ANK2: variants seen among roughly 807,000 people sequenced by gnomAD.
ANK2 encodes ankyrin 2.
In ANK2, 83 loss-of-function variants were observed where a neutral mutation model predicts 360.5. The observed-to-expected ratio is 0.23, with a 90% CI of 0.19 to 0.28. The LOEUF (loss-of-function observed/expected upper bound fraction) is 0.28, where lower values mean the gene tolerates loss of function less well. Among genes scored for constraint, ANK2 ranks in the 10% least tolerant of loss-of-function variants. The pLI, the probability that ANK2 is intolerant of heterozygous loss-of-function variation, is 1.00. For missense variants in ANK2, 4,201 were observed against 4,795.7 expected (o/e 0.88, Z 3.66); for synonymous variants, 1,740 against 1,759.5 (o/e 0.99, Z 0.28).
intron 1 of ANK2, among the ~76,000 whole-genome samples, chr4:113,092,058 T>C (rs779585704): frequency 1.3e-5 from 2 of 152,106 alleles, no homozygotes; most frequent in South Asian, 2.1e-4. Context: ...GGATTTTCCT[T>C]ATAAAACAAA....
chr4:113,071,712 A>C (rs554322968), intron 1 of ANK2: 1 of 152,544 alleles, frequency 6.6e-6, no homozygotes, highest in Non-Finnish European at 1.5e-5. Flanking sequence ...TCTGCACCAT[A>C]GGGCCAGAGA....
intron 2 of ANK2, among the ~76,000 whole-genome samples, chr4:112,918,202 G>A (rs2090461973): frequency 6.6e-6 from 1 of 152,110 alleles, no homozygotes; most frequent in Non-Finnish European, 1.5e-5. Context: ...TCCTGGAAAA[G>A]TCTTGAGAAG....
At chr4:113,317,581 C>T (rs1353761721) in intron 24 of ANK2, 126 bp from the exon 25 acceptor site, 3 of 731,024 alleles carry the variant, frequency 4.1e-6, no homozygotes, top group South Asian at 1.5e-5. Context: ...AGACTTGTGT[C>T]CCCCTGGAAG....
chr4:113,177,416 C>G (rs984903686), intron 2 of ANK2, among the ~76,000 whole-genome samples: 1 of 152,126 alleles, frequency 6.6e-6, no homozygotes, highest in Non-Finnish European at 1.5e-5. Context: ...AATGCACTCC[C>G]TAAATGTCAA....
chr4:113,019,429 C>T (rs368794433), intron 2 of ANK2, among the ~76,000 whole-genome samples: 1 of 152,176 alleles, frequency 6.6e-6, no homozygotes, highest in East Asian at 1.9e-4. Context: ...ATCATATGGA[C>T]AGAAATAAAT....
intron 2 of ANK2, among the ~76,000 whole-genome samples, chr4:112,969,338 C>T (rs2038580980): frequency 6.6e-6 from 1 of 152,234 alleles, no homozygotes. Context: ...CATTTGCTGA[C>T]TACCTATCTA....
chr4:113,116,699 GGCAGCAGCA>G (rs370654108), intron 1 of ANK2, among the ~76,000 whole-genome samples: 3 of 151,632 alleles, frequency 2.0e-5, no homozygotes, highest in African/African-American at 4.8e-5. Context: ...GCAGTAGCAC[GGCAGCAGCA>G]GCAGCAGCAG....
At chr4:112,810,936 T>A in the ANK2 span, among the ~76,000 whole-genome samples, 1 of 150,240 alleles carries the variant, frequency 6.7e-6, no homozygotes, top group African/African-American at 2.4e-5. Context: ...CTTTCTTTTT[T>A]TTTTTTTTTT....
chr4:113,315,408 G>T (rs1472734843), intron 24 of ANK2, among the ~76,000 whole-genome samples: 1 of 152,058 alleles, frequency 6.6e-6, no homozygotes, highest in Non-Finnish European at 1.5e-5. Flanking sequence ...TTTATTTGAG[G>T]TACCATTATT....
chr4:113,341,604 C>G, intron 32 of ANK2, 84 bp from the exon 33 acceptor site: 1 of 1,420,928 alleles, frequency 7.0e-7, no homozygotes, highest in Non-Finnish European at 9.9e-7. Flanking sequence ...TTGTTGACTA[C>G]TTTGATCATA....
In ANK2 at chr4:113,270,927, T is replaced by C. The variant is rs1012721681; in HGVS notation, c.1486-3525T>C. On this transcript the variant is annotated intron_variant, in intron 14 of 45. Transcript: ENST00000357077. ...TTTTAATGTGTTCCTGGGCCTCTGA[T>C]TTAGTTAACATTTGAACAGTGCTTT... 2.0e-5 allele frequency among the ~76,000 whole-genome samples: 3 copies of C among 152,342 alleles called. No homozygotes were observed. In the South Asian group the frequency reaches 6.2e-4, roughly 32 times the overall value.
At chr4:113,243,858 A>T (rs190588179) in intron 9 of ANK2, among the ~76,000 whole-genome samples, 116 of 152,318 alleles carry the variant, frequency 7.6e-4, no homozygotes, top group African/African-American at 2.6e-3. Context: ...GCATTTTGGA[A>T]ATGCAAAAAA....
intron 30 of ANK2, 110 bp from the exon 31 acceptor site, chr4:113,336,466 TG>T: frequency 9.2e-7 from 1 of 1,083,082 alleles, no homozygotes; most frequent in Non-Finnish European, 1.3e-6. Context: ...CAAACTTATT[TG>T]TAAGATAAAA....
chr4:113,182,428 C>G (rs2098437051), intron 2 of ANK2, among the ~76,000 whole-genome samples: 1 of 152,084 alleles, frequency 6.6e-6, no homozygotes, highest in Non-Finnish European at 1.5e-5. Flanking sequence ...GTATTCAAAA[C>G]CGTGTTACTG....
intron 1 of ANK2, among the ~76,000 whole-genome samples, chr4:112,836,029 T>C (rs2060912517): frequency 6.6e-6 from 1 of 152,162 alleles, no homozygotes; most frequent in South Asian, 2.1e-4. Context: ...AATTGCTGGG[T>C]CACAGCTTTC....
chr4:113,331,706 TC>T (rs1410312198), intron 27 of ANK2, among the ~76,000 whole-genome samples: 1 of 152,112 alleles, frequency 6.6e-6, no homozygotes, highest in African/African-American at 2.4e-5. Context: ...GAGCATTTTT[TC>T]CCCCTTTTTG....
chr4:113,377,958 T>C (rs2097016126), intron 45 of ANK2: 1 of 275,928 alleles, frequency 3.6e-6, no homozygotes. Context: ...TTAAGTCTGC[T>C]TCTAGGAATT....
rs569813747 is a variant in ANK2 at position 113,248,505 on chromosome 4, G to GC, written c.892-1257dup. ...CTGCATTGGCCAAACCCAGCTGGAA[G>GC]CCAGAGGACAAGGCAGCTCACTGAT... is the stretch of plus-strand genomic sequence containing the variant. On this transcript the variant is annotated intron_variant, in intron 9 of 45. Coordinates refer to ENST00000357077, the MANE Select transcript of ANK2 (RefSeq NM_001148.6). Among the ~76,000 whole-genome samples the GC allele has an allele frequency of 1.3e-4, 20 of 152,222 alleles. 1 individual carries two copies. The East Asian group carries it at 3.9e-3, about 29-fold the overall frequency.
chr4:113,151,291 G>A (rs952622087), intron 1 of ANK2: 1 of 472,876 alleles, frequency 2.1e-6, no homozygotes, highest in Non-Finnish European at 3.4e-6. Flanking sequence ...CCGAAGCTGG[G>A]TAATTTATAA....
Sources: gnomAD v4.1 joint callset for allele counts (sites outside exome capture counted in the v4.1 genomes callset) on GRCh38, gnomAD v4.1.1 for gene constraint, MANE v1.5 for transcripts, NCBI Gene and HGNC (gene_info 2026-07-23, HGNC 2026-07-21) for gene names.